Variants in EPB41L4A observed in about 807,000 individuals in gnomAD.
The protein encoded by EPB41L4A is erythrocyte membrane protein band 4.1 like 4A.
In EPB41L4A, 100 loss-of-function variants were observed where a neutral mutation model predicts 108.6. The observed-to-expected ratio is 0.92, with a 90% CI of 0.78 to 1.09. The LOEUF is 1.09. EPB41L4A is among the 50% of genes least tolerant of loss of function. The pLI is 0.00. For missense variants in EPB41L4A, 1,030 were observed against 842.7 expected (o/e 1.22, Z -2.75); for synonymous variants, 319 against 289.0 (o/e 1.10, Z -1.05).
chr5:112,338,789 C>T (rs1376350713), intron 1 of EPB41L4A, among the ~76,000 whole-genome samples: 1 of 152,224 alleles, frequency 6.6e-6, no homozygotes, highest in East Asian at 1.9e-4. Flanking sequence ...CACACGTCCA[C>T]TATTGTTTTA....
intron 1 of EPB41L4A, among the ~76,000 whole-genome samples, chr5:112,408,122 G>A (rs895663368): frequency 1.6e-4 from 25 of 152,206 alleles, no homozygotes; most frequent in African/African-American, 5.3e-4. Context: ...ATTTTTAATT[G>A]ATTTTTTTTA....
intron 1 of EPB41L4A, among the ~76,000 whole-genome samples, chr5:112,344,369 A>G (rs1287099774): frequency 2.0e-5 from 3 of 152,120 alleles, no homozygotes; most frequent in African/African-American, 7.2e-5. Context: ...TTAATTTACA[A>G]TGACCAGGAT....
chr5:112,153,402 G>T (rs1205023527), intron 12 of EPB41L4A, among the ~76,000 whole-genome samples: 4 of 151,324 alleles, frequency 2.6e-5, no homozygotes, highest in Non-Finnish European at 5.9e-5. Flanking sequence ...GGTGGCATGC[G>T]CCTATAATTC....
intron 9 of EPB41L4A, among the ~76,000 whole-genome samples, chr5:112,241,468 A>G (rs1195869237): frequency 1.3e-5 from 2 of 152,218 alleles, no homozygotes; most frequent in Non-Finnish European, 1.5e-5. Context: ...TAAGAAATAA[A>G]ACAACATTGA....
chr5:112,375,996 C>T (rs1759795924), intron 1 of EPB41L4A, among the ~76,000 whole-genome samples: 1 of 152,054 alleles, frequency 6.6e-6, no homozygotes, highest in South Asian at 2.1e-4. Context: ...TTTAATAATA[C>T]CGAAAGCATA....
In EPB41L4A at chr5:112,352,207, T is replaced by C. The variant is rs369565344; in HGVS notation, c.100-44717A>G. On this transcript the variant is annotated intron_variant, in intron 1 of 22. Transcript: ENST00000261486. ...TTCTTGCTTTTCTAGTTCCTTGAAA[T>C]ACATCATTAGGTTATATGAAATATT... 1.5e-4 allele frequency among the ~76,000 whole-genome samples: 23 copies of C among 152,370 alleles called. No individual in the cohort carries two copies. The East Asian group carries it at 3.7e-3, about 24-fold the overall frequency.
intron 22 of EPB41L4A, among the ~76,000 whole-genome samples, chr5:112,168,135 T>TA (rs2150196336): frequency 6.6e-6 from 1 of 152,326 alleles, no homozygotes; most frequent in African/African-American, 2.4e-5. Context: ...CCCATCTTAT[T>TA]AAAAAATACA....
rs1561656069 is a variant in EPB41L4A at position 112,412,638 on chromosome 5, A to G, written c.99+6303T>C. Among the ~76,000 whole-genome samples, 3 of 152,194 alleles carry G rather than the reference A, an allele frequency of 2.0e-5. No homozygotes were observed. The South Asian group carries it at 6.2e-4, about 32-fold the overall frequency. On this transcript the variant is annotated intron_variant, in intron 1 of 22. Transcript: ENST00000261486. The stretch of plus-strand genomic sequence containing the variant: ...GTGCCTGTTTAATCTTAACATATGA[A>G]ACGTGGAAACAAAACTTATGGTGCA...
intron 2 of EPB41L4A, among the ~76,000 whole-genome samples, chr5:112,287,120 C>A (rs555820284): frequency 7.2e-5 from 11 of 152,286 alleles, no homozygotes; most frequent in Middle Eastern, 3.4e-3. Flanking sequence ...AGGCTCATGG[C>A]CTTAAATGCC....
intron 13 of EPB41L4A, among the ~76,000 whole-genome samples, chr5:112,207,838 C>T (rs1762544171): frequency 6.6e-6 from 1 of 152,142 alleles, no homozygotes; most frequent in Non-Finnish European, 1.5e-5. Context: ...TAAATTAGCT[C>T]AGCCATTGTG....
chr5:112,370,347 CT>C (rs1759413981), intron 1 of EPB41L4A, among the ~76,000 whole-genome samples: 1 of 151,914 alleles, frequency 6.6e-6, no homozygotes, highest in African/African-American at 2.4e-5. Flanking sequence ...AAATTACTCA[CT>C]TTTAATCTCT....
In EPB41L4A at chr5:112,205,519, A is replaced by C. The variant is rs758788776; in HGVS notation, c.1179-15T>G. The C allele has an allele frequency of 1.3e-6, 2 of 1,554,760 alleles. No homozygotes were observed. The highest frequency in any genetic ancestry group is 1.8e-6 in the Non-Finnish European group (2 of 1,138,802). Reference sequence around the variant, plus strand: ...CTTTCTTAAAGCTTTAATTTTAAAAAAAAGTATGAGAAATAAATTAAGTAG... The same window carrying C: ...CTTTCTTAAAGCTTTAATTTTAAAACAAAGTATGAGAAATAAATTAAGTAG... On this transcript the variant is annotated splice_polypyrimidine_tract_variant and intron_variant, in intron 13 of 22. Transcript: ENST00000261486.
chr5:112,147,399 G>A (rs1405267181), intron 12 of EPB41L4A, among the ~76,000 whole-genome samples: 2 of 152,062 alleles, frequency 1.3e-5, no homozygotes, highest in Non-Finnish European at 2.9e-5. Flanking sequence ...CAGCACTTTG[G>A]GAGGCCGAGG....
chr5:112,284,325 G>T (rs574326827), intron 2 of EPB41L4A, among the ~76,000 whole-genome samples: 1 of 152,250 alleles, frequency 6.6e-6, no homozygotes, highest in East Asian at 1.9e-4. Context: ...ATAAAGGACA[G>T]CATGCAATAA....
intron 18 of EPB41L4A, chr5:112,183,299 T>C (rs1257399161): frequency 6.6e-6 from 1 of 152,222 alleles, no homozygotes; most frequent in Non-Finnish European, 1.5e-5. Context: ...CTCCTGTGAG[T>C]AATCAACATC....
intron 5 of EPB41L4A, 66 bp downstream of exon 5, chr5:112,266,167 C>T (rs2150459241): frequency 8.7e-7 from 1 of 1,151,970 alleles, no homozygotes; most frequent in Middle Eastern, 2.0e-4. Context: ...TATGTAAACT[C>T]CCTTTTAAAA....
chr5:112,367,793 T>C (rs748820983), intron 1 of EPB41L4A, among the ~76,000 whole-genome samples: 1 of 149,920 alleles, frequency 6.7e-6, no homozygotes, highest in Non-Finnish European at 1.5e-5. Flanking sequence ...CATTTCATTA[T>C]GATTGTGCTG....
intron 1 of EPB41L4A, among the ~76,000 whole-genome samples, chr5:112,388,061 G>C (rs1760679220): frequency 6.6e-6 from 1 of 152,286 alleles, no homozygotes; most frequent in South Asian, 2.1e-4. Context: ...ATGGCACAGA[G>C]AAGACTTAGA....
intron 9 of EPB41L4A, among the ~76,000 whole-genome samples, chr5:112,246,474 T>C (rs1750234213): frequency 6.6e-6 from 1 of 152,082 alleles, no homozygotes; most frequent in African/African-American, 2.4e-5. Flanking sequence ...CCCAAACTCA[T>C]TTAGCTAAAG....
Sources: gnomAD v4.1 joint callset for allele counts (sites outside exome capture counted in the v4.1 genomes callset) on GRCh38, gnomAD v4.1.1 for gene constraint, MANE v1.5 for transcripts, NCBI Gene and HGNC (gene_info 2026-07-23, HGNC 2026-07-21) for gene names.